Variants in STARD9 observed in about 807,000 individuals in gnomAD.
STARD9 encodes stAR-related lipid transfer protein 9.
In STARD9, 346 loss-of-function variants were observed where a neutral mutation model predicts 399.8. That is an observed-to-expected ratio of 0.87 (90% CI 0.79 to 0.95). STARD9 has a LOEUF of 0.95. Among genes scored for constraint, STARD9 ranks in the 40% least tolerant of loss-of-function variants. The pLI is 0.00. For synonymous variants in STARD9, 2,203 were observed against 2,143.5 expected, an observed-to-expected ratio of 1.03 and a Z score of -0.77; for missense variants, 5,832 against 5,667.5, an observed-to-expected ratio of 1.03 and a Z score of -0.93.
At position 42,692,349 on chromosome 15, in the gene STARD9, A is replaced by G; in HGVS notation, c.10771A>G (p.Arg3591Gly). 6.5e-7 allele frequency: 1 copy of G among 1,537,036 alleles called. No homozygotes were observed. The highest frequency in any genetic ancestry group is 8.7e-7 in the Non-Finnish European group (1 of 1,146,896). Residue 3591 changes from arginine (R) to glycine (G), a missense_variant, in exon 23 of 33, where the codon AGG becomes GGG. This residue lies in a region of STARD9 where 5,828 missense variants were observed against 5,651.1 expected (regional missense o/e 1.03). Coordinates refer to ENST00000290607, the MANE Select transcript of STARD9 (RefSeq NM_020759.3). ...TSGHDRRPQFRGPSGEADCLR... is the reference protein window; with the variant it reads ...TSGHDRRPQFGGPSGEADCLR... ...GGGTCATGACAGAAGGCCTCAGTTC[A>G]GGGGCCCTTCTGGTGAAGCAGACTG...
At chr15:42,655,805 G>A (rs1181994786) in intron 9 of STARD9, among the ~76,000 whole-genome samples, 1 of 152,132 alleles carries the variant, frequency 6.6e-6, no homozygotes, top group Admixed American at 6.6e-5. Context: ...CACAGAGTGG[G>A]AGAAAATATT....
chr15:42,627,320 A>G (rs989001119), intron 3 of STARD9, among the ~76,000 whole-genome samples: 1 of 152,138 alleles, frequency 6.6e-6, no homozygotes, highest in Non-Finnish European at 1.5e-5. Flanking sequence ...AATTATGGGT[A>G]CATAGTAGGT....
chr15:42,716,828 T>A (rs1251718098), intron 27 of STARD9, 64 bp downstream of exon 27: 2 of 1,522,164 alleles, frequency 1.3e-6, no homozygotes, highest in Admixed American at 3.9e-5. Context: ...GGCTGATGGC[T>A]GCTAGATCTT....
chr15:42,708,201 A>G (rs763655291), intron 26 of STARD9, among the ~76,000 whole-genome samples: 5 of 152,206 alleles, frequency 3.3e-5, no homozygotes, highest in Non-Finnish European at 7.3e-5. Flanking sequence ...TGATATAATA[A>G]TCCTTTTAAA....
At chr15:42,598,101 G>C (rs900180329) in intron 3 of STARD9, among the ~76,000 whole-genome samples, 1 of 150,044 alleles carries the variant, frequency 6.7e-6, no homozygotes, top group African/African-American at 2.5e-5. Flanking sequence ...GTGCGATCTC[G>C]GCTCACTGCA....
intron 3 of STARD9, chr15:42,629,810 G>T (rs2059293282): frequency 6.6e-6 from 1 of 150,454 alleles, no homozygotes; most frequent in Non-Finnish European, 1.5e-5. Context: ...TTTCTCAAGG[G>T]TTTTTTTTTC....
intron 20 of STARD9, among the ~76,000 whole-genome samples, chr15:42,678,950 A>G (rs1050758887): frequency 1.3e-5 from 2 of 152,246 alleles, no homozygotes; most frequent in African/African-American, 4.8e-5. Flanking sequence ...AGATGGCAGC[A>G]GACAGCCTCT....
In STARD9 at chr15:42,661,144, G is replaced by A; in HGVS notation, c.703-14G>A. On this transcript the variant is annotated splice_polypyrimidine_tract_variant and intron_variant, in intron 9 of 32. Coordinates refer to ENST00000290607, the MANE Select transcript of STARD9 (RefSeq NM_020759.3). ...TCGTTCCAAATGACAGGCTTTAAAT[G>A]TTTTCTCCTCTAGGCAATCCTGGAG... 6.5e-7 allele frequency: 1 copy of A among 1,529,496 alleles called. No homozygotes were observed. Among genetic ancestry groups the A allele is most frequent in the Non-Finnish European group, 8.8e-7 (1 of 1,140,014 alleles). The allele number at this position is 1,529,496 out of a possible 1,614,324, so 94.7% of individuals were successfully genotyped here.
chr15:42,663,763 A>AT (rs2060034971), intron 12 of STARD9, 57 bp from the exon 13 acceptor site: 2 of 1,295,192 alleles, frequency 1.5e-6, no homozygotes, highest in African/African-American at 1.5e-5. Context: ...AAGGCAAGTG[A>AT]TTAAGAGCTG....
In STARD9 at chr15:42,586,778, A is replaced by G. The variant is rs1336888646; in HGVS notation, c.234+1141A>G. Among the ~76,000 whole-genome samples the G allele has an allele frequency of 2.6e-5, 4 of 152,142 alleles. No homozygotes were observed. The East Asian group carries it at 5.8e-4, about 22-fold the overall frequency. On this transcript the variant is annotated intron_variant, in intron 3 of 32. Transcript: ENST00000290607. ...CTGGACAGTCATTGCCTAGGATTCT[A>G]TATAACTTTGAATAAAAAGTCAAAC...
At chr15:42,675,519 G>A in intron 18 of STARD9, 145 bp from the exon 19 acceptor site, 1 of 626,208 alleles carries the variant, frequency 1.6e-6, no homozygotes, top group Non-Finnish European at 2.8e-6. Flanking sequence ...GCTGTGAGAT[G>A]CAGAATTAAT....
chr15:42,719,901 G>A lies in STARD9; in HGVS notation c.*327G>A, dbSNP rs1165789245. 13 of 236,424 alleles carry A rather than the reference G, an allele frequency of 5.5e-5. No individual in the cohort carries two copies. The East Asian group carries it at 1.4e-3, about 25-fold the overall frequency. The allele number at this position is 236,424 out of a possible 1,614,324, so 14.6% of individuals were successfully genotyped here. ...GGCAGACAGGACACTTAAGGACCAG[G>A]ACTGGGCACAGCCAGCAGAGCCGGG... is the stretch of plus-strand genomic sequence containing the variant. On this transcript the variant is annotated 3_prime_UTR_variant, in exon 33 of 33. Transcript: ENST00000290607.
intron 7 of STARD9, among the ~76,000 whole-genome samples, chr15:42,649,647 C>T (rs533154655): frequency 3.0e-4 from 45 of 151,794 alleles, no homozygotes; most frequent in Middle Eastern, 6.8e-3. Context: ...GCAACCTCTG[C>T]CTCCTAGGTC....
At chr15:42,710,840 C>G (rs2061199621) in intron 26 of STARD9, among the ~76,000 whole-genome samples, 1 of 152,158 alleles carries the variant, frequency 6.6e-6, no homozygotes, top group Non-Finnish European at 1.5e-5. Context: ...TTGGCATTCA[C>G]TCCCATTTCT....
At chr15:42,697,499 G>C (rs182392365) in intron 26 of STARD9, among the ~76,000 whole-genome samples, 1 of 152,016 alleles carries the variant, frequency 6.6e-6, no homozygotes, top group Middle Eastern at 3.4e-3. Context: ...TAGTAGAAAG[G>C]GCACAAATAT....
chr15:42,627,445 C>T (rs2059248415), intron 3 of STARD9, among the ~76,000 whole-genome samples: 1 of 152,170 alleles, frequency 6.6e-6, no homozygotes, highest in African/African-American at 2.4e-5. Context: ...CTTTATGTTA[C>T]AAACATTCCC....
Position 42,644,366 on chromosome 15 carries a change from A to G in STARD9, c.559+5554A>G, listed in dbSNP as rs138864471. 6.9e-3 allele frequency among the ~76,000 whole-genome samples: 1,048 copies of G among 151,908 alleles called. 15 individuals are homozygous for G. Among genetic ancestry groups the G allele is most frequent in the East Asian group, 0.058 (300 of 5,152 alleles). On this transcript the variant is annotated intron_variant, in intron 7 of 32. Transcript: ENST00000290607. ...AAATTAGCCGGGTGTGGTGGCGGGC[A>G]CCTGTAGTCCCAGCTATTCGGGAGG...
chr15:42,639,184 A>G (rs1181761801), intron 7 of STARD9, among the ~76,000 whole-genome samples: 3 of 152,224 alleles, frequency 2.0e-5, no homozygotes, highest in South Asian at 2.1e-4. Context: ...GTGAAGAATG[A>G]CGTAACGTGG....
In STARD9 at chr15:42,689,848, T is replaced by A; in HGVS notation, c.8270T>A (p.Leu2757Gln). The A allele has an allele frequency of 6.5e-7, 1 of 1,537,358 alleles. No homozygotes were observed. Among genetic ancestry groups the A allele is most frequent in the Non-Finnish European group, 8.7e-7 (1 of 1,146,920 alleles). Reference protein sequence around the residue: ...QAPYDDPRVTLHELSQSVPQE... With the variant: ...QAPYDDPRVTQHELSQSVPQE... ...CCTTATGATGATCCTAGAGTGACTC[T>A]GCATGAGCTAAGTCAGTCAGTTCCG... Residue 2757 changes from leucine (L) to glutamine (Q), a missense_variant, in exon 23 of 33, where the codon CTG (leucine) becomes CAG (glutamine). Leu to Gln is a moderately radical substitution (Grantham distance 113). Around this residue, in one of 2 missense-constraint regions of STARD9, gnomAD observed 5,828 missense variants for 5,651.1 expected, o/e 1.03. Coordinates refer to ENST00000290607, the MANE Select transcript of STARD9 (RefSeq NM_020759.3).
Sources: gnomAD v4.1 joint callset for allele counts (sites outside exome capture counted in the v4.1 genomes callset) on GRCh38, gnomAD v4.1.1 for gene constraint, gnomAD v4.1.1 regional missense constraint, MANE v1.5 for transcripts, NCBI Gene and HGNC (gene_info 2026-07-23, HGNC 2026-07-21) for gene names.